TEX26: variants seen among roughly 807,000 people sequenced by gnomAD.
TEX26 encodes the protein testis expressed 26.
A neutral mutation model predicts 35.3 loss-of-function variants in TEX26; 34 were observed. The observed-to-expected ratio is 0.96, with a 90% CI of 0.73 to 1.28. The LOEUF (loss-of-function observed/expected upper bound fraction) is 1.28. TEX26 is among the 50% of genes most tolerant of loss of function. The pLI, the probability that TEX26 is intolerant of heterozygous loss-of-function variation, is 0.00. For synonymous variants in TEX26, 136 were observed against 111.8 expected (o/e 1.22, Z -1.36); for missense variants, 371 against 330.1 (o/e 1.12, Z -0.96).
intron 2 of TEX26, among the ~76,000 whole-genome samples, chr13:30,940,655 C>A (rs974701722): frequency 6.6e-6 from 1 of 152,106 alleles, no homozygotes; most frequent in Non-Finnish European, 1.5e-5. Context: ...TTTACTGTGT[C>A]ACTGGTAGGT....
rs548877365 is a variant in TEX26 at position 30,969,707 on chromosome 13, C to T, written c.808+661C>T. Among the ~76,000 whole-genome samples, 35 of 152,276 alleles carry T rather than the reference C, an allele frequency of 2.3e-4. No homozygotes were observed. The South Asian group carries it at 5.8e-3, about 25-fold the overall frequency. ...AGCATCCTACGTGAGGGATCACACA[C>T]CCCCTATTCCCCCTCATTTGTGAGT... On this transcript the variant is annotated intron_variant, in intron 6 of 6. Transcript: ENST00000380473.
At chr13:30,964,506 C>T (rs1300739319) in intron 4 of TEX26, among the ~76,000 whole-genome samples, 1 of 152,182 alleles carries the variant, frequency 6.6e-6, no homozygotes, top group Non-Finnish European at 1.5e-5. Flanking sequence ...AAAACATTTA[C>T]TATTGAATGG....
intron 2 of TEX26, among the ~76,000 whole-genome samples, chr13:30,945,249 G>C (rs1318079622): frequency 6.6e-6 from 1 of 151,628 alleles, no homozygotes; most frequent in Non-Finnish European, 1.5e-5. Flanking sequence ...TGTTTTATCT[G>C]ATATAAGAAT....
At chr13:30,936,024 A>G (rs1953261224) in intron 1 of TEX26, among the ~76,000 whole-genome samples, 4 of 152,194 alleles carry the variant, frequency 2.6e-5, no homozygotes, top group Admixed American at 1.3e-4. Flanking sequence ...GAAATCTTTA[A>G]TTGCGTGTGC....
At chr13:30,969,720 C>T (rs1055526430) in intron 6 of TEX26, among the ~76,000 whole-genome samples, 2 of 152,156 alleles carry the variant, frequency 1.3e-5, no homozygotes, top group African/African-American at 2.4e-5. Context: ...CCTATTCCCC[C>T]TCATTTGTGA....
At chr13:30,968,373 C>T (rs2138339039) in intron 5 of TEX26, among the ~76,000 whole-genome samples, 1 of 152,262 alleles carries the variant, frequency 6.6e-6, no homozygotes, top group Admixed American at 6.5e-5. Flanking sequence ...GTTAATCTTT[C>T]TTAGATCCAG....
At chr13:30,966,880 TCGCTGC>T in intron 5 of TEX26, among the ~76,000 whole-genome samples, 1 of 152,316 alleles carries the variant, frequency 6.6e-6, no homozygotes, top group Middle Eastern at 3.4e-3. Flanking sequence ...CAGAACCTTG[TCGCTGC>T]AGCTCCCAAC....
At position 30,975,179 on chromosome 13, in the gene TEX26, C is replaced by A. The variant is rs765236483; in HGVS notation, c.*272C>A. On this transcript the variant is annotated 3_prime_UTR_variant, in exon 7 of 7. Coordinates refer to ENST00000380473, the MANE Select transcript of TEX26 (RefSeq NM_152325.3). ...CTTTTGGATACTTAATTTGTAGTTT[C>A]AATTTTGATTTCTCCTGTGAACTAG... 2 of 223,158 alleles carry A rather than the reference C, an allele frequency of 9.0e-6. No homozygotes were observed. Among genetic ancestry groups the A allele is most frequent in the African/African-American group, 2.3e-5 (1 of 44,014 alleles). 13.8% of individuals were successfully genotyped at this position (223,158 alleles called of 1,614,324 possible).
chr13:30,956,388 G>A (rs1954132467), intron 3 of TEX26, among the ~76,000 whole-genome samples: 1 of 151,916 alleles, frequency 6.6e-6, no homozygotes, highest in Non-Finnish European at 1.5e-5. Context: ...GTGTATATGT[G>A]CCACATTTTC....
chr13:30,947,878 A>G (rs2138222043), intron 2 of TEX26, among the ~76,000 whole-genome samples: 1 of 151,952 alleles, frequency 6.6e-6, no homozygotes, highest in Admixed American at 6.5e-5. Flanking sequence ...TCGTAATGCT[A>G]TCCCTCCCCT....
chr13:30,974,445 G>A (rs1954818297), intron 6 of TEX26, among the ~76,000 whole-genome samples: 1 of 152,058 alleles, frequency 6.6e-6, no homozygotes, highest in Non-Finnish European at 1.5e-5. Flanking sequence ...GCACTGTCTG[G>A]GTGCTTCACA....
chr13:30,940,282 C>A (rs1444327916), intron 2 of TEX26, among the ~76,000 whole-genome samples: 1 of 147,440 alleles, frequency 6.8e-6, no homozygotes, highest in Non-Finnish European at 1.5e-5. Context: ...TCCAATTCAA[C>A]CTGAGCTGAG....
Position 30,932,679 on chromosome 13 carries a change from C to T in TEX26, c.-37C>T, listed in dbSNP as rs769274944. ...GCGGCTCCCGCAAGCGCTGAGATAG[C>T]TGGAGCCAGGGCCCCGCGGCCGCCT... On this transcript the variant is annotated 5_prime_UTR_variant, in exon 1 of 7. Transcript: ENST00000380473. 5 of 1,604,892 alleles carry T rather than the reference C, an allele frequency of 3.1e-6. No homozygotes were observed. In the South Asian group the frequency reaches 5.6e-5, roughly 18 times the overall value.
chr13:30,954,423 TA>T (rs1002181082), intron 3 of TEX26, among the ~76,000 whole-genome samples: 1 of 148,456 alleles, frequency 6.7e-6, no homozygotes, highest in Non-Finnish European at 1.5e-5. Context: ...ATATATAATA[TA>T]AAAATATGTC....
intron 6 of TEX26, among the ~76,000 whole-genome samples, chr13:30,972,144 C>T (rs1035085413): frequency 4.7e-4 from 71 of 152,140 alleles, no homozygotes; most frequent in Non-Finnish European, 2.4e-4. Context: ...GTACTCCCAA[C>T]CCTATGGATG....
intron 1 of TEX26, among the ~76,000 whole-genome samples, chr13:30,935,984 G>A (rs368111079): frequency 6.6e-6 from 1 of 152,148 alleles, no homozygotes; most frequent in Non-Finnish European, 1.5e-5. Context: ...TAGGGTACAC[G>A]AGGATAATCC....
At chr13:30,941,364 A>G (rs1266796126) in intron 2 of TEX26, among the ~76,000 whole-genome samples, 9 of 152,206 alleles carry the variant, frequency 5.9e-5, no homozygotes, top group Admixed American at 2.0e-4. Context: ...TATAACTGTA[A>G]CAGTAGCCTG....
In TEX26 at chr13:30,939,734, G is replaced by T; in HGVS notation, c.102G>T (p.Arg34Ser). The T allele has an allele frequency of 6.2e-7, 1 of 1,614,070 alleles. No individual in the cohort carries two copies. Among genetic ancestry groups the T allele is most frequent in the Non-Finnish European group, 8.5e-7 (1 of 1,179,954 alleles). The change falls in exon 2 of 7, where the codon AGG becomes AGT. Residue 34 changes from arginine to serine, a missense_variant. Physicochemically the swap from Arg to Ser is moderately radical, Grantham distance 110. Coordinates refer to ENST00000380473, the MANE Select transcript of TEX26 (RefSeq NM_152325.3). ...GGGATTCCTATGCTACCACTATGAG[G>T]ACTGCATTCACGCCTAAAACAGGAG... ...PNWDSYATTM[R>S]TAFTPKTGAV... is the part of the protein sequence containing the mutation.
intron 4 of TEX26, among the ~76,000 whole-genome samples, chr13:30,960,704 A>G (rs199916932): frequency 6.6e-6 from 1 of 152,214 alleles, no homozygotes; most frequent in Admixed American, 6.5e-5. Flanking sequence ...ATTTTAAGAT[A>G]TTTATGATAT....
Sources: allele counts gnomAD v4.1 joint callset (sites outside exome capture counted in the v4.1 genomes callset), GRCh38; gene constraint gnomAD v4.1.1; transcripts MANE v1.5; gene names NCBI Gene and HGNC (gene_info 2026-07-23, HGNC 2026-07-21).